The following MAF variants were observed in gnomAD, a reference collection of about 807,000 sequenced individuals.
MAF encodes the protein MAF bZIP transcription factor.
MAF carries 10 observed loss-of-function variants against 22.0 expected under a neutral mutation model. The observed-to-expected ratio is 0.45, with a 90% CI of 0.28 to 0.77. The LOEUF (loss-of-function observed/expected upper bound fraction) is 0.77, where lower values mean the gene tolerates loss of function less well. Among genes scored for constraint, MAF ranks in the 30% least tolerant of loss-of-function variants. The pLI, the probability that MAF is intolerant of heterozygous loss-of-function variation, is 0.12. For synonymous variants in MAF, 337 were observed against 255.8 expected, an observed-to-expected ratio of 1.32 and a Z score of -3.03; for missense variants, 544 against 548.4, an observed-to-expected ratio of 0.99 and a Z score of 0.08.
At chr16:79,240,898 C>G in the MAF span, among the ~76,000 whole-genome samples, 1 of 151,978 alleles carries the variant, frequency 6.6e-6, no homozygotes. Context: ...GATACCCAGG[C>G]AAACAGGGTC....
chr16:79,504,161 A>G, the MAF span, among the ~76,000 whole-genome samples: 1 of 152,196 alleles, frequency 6.6e-6, no homozygotes, highest in Non-Finnish European at 1.5e-5. Flanking sequence ...CTTGGCCGTT[A>G]TGCTGTAGCC....
the MAF span, among the ~76,000 whole-genome samples, chr16:79,457,075 G>A: frequency 6.6e-6 from 1 of 152,046 alleles, no homozygotes; most frequent in Admixed American, 6.6e-5. Context: ...CATTGCTGTT[G>A]AAGAAAAAAC....
the MAF span, among the ~76,000 whole-genome samples, chr16:79,446,643 T>A: frequency 3.3e-5 from 5 of 152,142 alleles, no homozygotes; most frequent in Non-Finnish European, 7.4e-5. Context: ...CCGGGCGCAG[T>A]GGCTCATGTC....
At chr16:79,540,109 G>C in the MAF span, among the ~76,000 whole-genome samples, 2 of 152,034 alleles carry the variant, frequency 1.3e-5, no homozygotes, top group African/African-American at 4.8e-5. Context: ...AGGGCCAAAA[G>C]GATCCCCAAG....
the MAF span, among the ~76,000 whole-genome samples, chr16:79,384,645 T>G: frequency 1.8e-4 from 27 of 151,578 alleles, no homozygotes; most frequent in African/African-American, 6.1e-4. Flanking sequence ...TAGTCCCAGC[T>G]ACTCAGGAGG....
At chr16:79,335,343 C>T in the MAF span, among the ~76,000 whole-genome samples, 83 of 152,236 alleles carry the variant, frequency 5.5e-4, no homozygotes, top group Middle Eastern at 0.01. Context: ...CTTACTTCCT[C>T]GTACTATGGC....
the MAF span, among the ~76,000 whole-genome samples, chr16:79,335,583 C>T: frequency 6.6e-6 from 1 of 152,072 alleles, no homozygotes; most frequent in Non-Finnish European, 1.5e-5. Context: ...GGGTCAGCCA[C>T]AGAAAGTCTG....
the MAF span, among the ~76,000 whole-genome samples, chr16:79,265,344 C>G: frequency 6.6e-6 from 1 of 152,138 alleles, no homozygotes; most frequent in Non-Finnish European, 1.5e-5. Context: ...AGTGTTTTCA[C>G]TTGAGTCTCA....
chr16:79,250,433 TG>T, the MAF span, among the ~76,000 whole-genome samples: 1 of 152,254 alleles, frequency 6.6e-6, no homozygotes, highest in African/African-American at 2.4e-5. Flanking sequence ...CTCACCTTTT[TG>T]GCACTTGGCT....
At chr16:79,497,846 G>A in the MAF span, among the ~76,000 whole-genome samples, 6 of 152,320 alleles carry the variant, frequency 3.9e-5, no homozygotes, top group South Asian at 2.1e-4. Flanking sequence ...ATACAGCAGC[G>A]CTGATTCCTG....
the MAF span, among the ~76,000 whole-genome samples, chr16:79,209,923 C>A: frequency 1.3e-5 from 2 of 152,276 alleles, no homozygotes; most frequent in South Asian, 4.2e-4. Context: ...TTGAGCCACA[C>A]AAATCAATGG....
chr16:79,232,863 CAG>C, the MAF span, among the ~76,000 whole-genome samples: 1 of 119,966 alleles, frequency 8.3e-6, no homozygotes, highest in African/African-American at 3.3e-5. Context: ...TTTTTTGAGA[CAG>C]AGTCTCACTC....
At chr16:79,588,999 A>G (rs1913029235), downstream of MAF, among the ~76,000 whole-genome samples, 1 of 152,190 alleles carries the variant, frequency 6.6e-6, no homozygotes, top group South Asian at 2.1e-4. Context: ...CTGACAGTGT[A>G]AAAAGCATCT....
the MAF span, among the ~76,000 whole-genome samples, chr16:79,524,161 A>AC: frequency 1.3e-5 from 2 of 151,996 alleles, no homozygotes; most frequent in Admixed American, 6.6e-5. Flanking sequence ...TCTTTGATAA[A>AC]CCCTCTGATC....
chr16:79,552,342 G>A, the MAF span, among the ~76,000 whole-genome samples: 1 of 152,054 alleles, frequency 6.6e-6, no homozygotes, highest in Admixed American at 6.6e-5. Context: ...CCAGTAGCTG[G>A]ACTACTGGTG....
chr16:79,310,585 T>C, the MAF span, among the ~76,000 whole-genome samples: 2 of 152,100 alleles, frequency 1.3e-5, no homozygotes, highest in Admixed American at 6.6e-5. Context: ...ACCGAGTGGG[T>C]TGAAACAAAG....
downstream of MAF, among the ~76,000 whole-genome samples, chr16:79,590,224 G>C (rs1241260913): frequency 1.3e-5 from 2 of 152,110 alleles, no homozygotes; most frequent in Non-Finnish European, 2.9e-5. Flanking sequence ...GGATGATGGG[G>C]GGGCATGGAG....
chr16:79,422,633 C>T, the MAF span, among the ~76,000 whole-genome samples: 4 of 152,124 alleles, frequency 2.6e-5, no homozygotes, highest in Admixed American at 6.5e-5. Context: ...TCAGTAGCTG[C>T]TAGTTTTATT....
the MAF span, among the ~76,000 whole-genome samples, chr16:79,554,815 G>C: frequency 6.6e-6 from 1 of 152,148 alleles, no homozygotes; most frequent in Non-Finnish European, 1.5e-5. Flanking sequence ...GTTTCTCATG[G>C]CCTCTCTGTC....
Sources: gnomAD v4.1 joint callset for allele counts (sites outside exome capture counted in the v4.1 genomes callset) on GRCh38, gnomAD v4.1.1 for gene constraint, MANE v1.5 for transcripts, NCBI Gene and HGNC (gene_info 2026-07-23, HGNC 2026-07-21) for gene names.